The following SLC37A3 variants were observed in gnomAD, a reference collection of about 807,000 sequenced individuals.
SLC37A3 encodes the protein solute carrier family 37 member 3, also known as sugar phosphate exchanger 3.
In SLC37A3, 51 loss-of-function variants were observed where a neutral mutation model predicts 67.1. The ratio of observed to expected loss-of-function variants is 0.76; its 90% CI spans 0.61 to 0.96. The LOEUF (loss-of-function observed/expected upper bound fraction) is 0.96, where lower values mean the gene tolerates loss of function less well. Among genes scored for constraint, SLC37A3 ranks in the 40% least tolerant of loss-of-function variants. The pLI is 0.00. For missense variants in SLC37A3, 508 were observed against 603.0 expected, an observed-to-expected ratio of 0.84 and a Z score of 1.65; for synonymous variants, 214 against 231.4, an observed-to-expected ratio of 0.92 and a Z score of 0.68.
rs1796836394 is a variant in SLC37A3 at position 140,352,153 on chromosome 7, G to A, written c.619-7C>T. ...CCGTCACCAGAAAGGCATACTGGAG[G>A]AGAGGGGTGAAAGGTGGTCCTTACA... On this transcript the variant is annotated splice_polypyrimidine_tract_variant and splice_region_variant and intron_variant, in intron 7 of 14. Coordinates refer to ENST00000326232, the MANE Select transcript of SLC37A3 (RefSeq NM_207113.3). 39 of 1,561,160 alleles carry A rather than the reference G, an allele frequency of 2.5e-5. No homozygotes were observed. The highest frequency in any genetic ancestry group is 3.4e-5 in the Non-Finnish European group (39 of 1,146,356).
Position 140,363,740 on chromosome 7 carries a change from CAAAAAAAAAA to C in SLC37A3, c.375+658_375+667del, listed in dbSNP as rs71170980. On this transcript the variant is annotated intron_variant, in intron 5 of 14. Coordinates refer to ENST00000326232, the MANE Select transcript of SLC37A3 (RefSeq NM_207113.3). ...AAAAAAAAAGAGCAAAACTCCGCCT[CAAAAAAAAAA>C]AAAAAAAAAAAAAAAGAAAGGAGCG... 7.3e-3 allele frequency among the ~76,000 whole-genome samples: 786 copies of C among 107,836 alleles called. 4 individuals are homozygous for C. Among genetic ancestry groups the C allele is most frequent in the African/African-American group, 0.012 (345 of 27,630 alleles). The allele number at this position is 107,836 out of a possible 152,430, so 70.7% of individuals were successfully genotyped here.
chr7:140,362,673 TG>T (rs781223629), intron 5 of SLC37A3, among the ~76,000 whole-genome samples: 6,483 of 15,706 alleles, frequency 0.41, 1,706 homozygotes, highest in East Asian at 0.7. Context: ...GGGAGGGAGG[TG>T]GGGGGGGGGG....
At chr7:140,368,311 A>G (rs1313936016) in intron 4 of SLC37A3, among the ~76,000 whole-genome samples, 2 of 152,060 alleles carry the variant, frequency 1.3e-5, no homozygotes, top group Non-Finnish European at 2.9e-5. Flanking sequence ...CACGCCTGTA[A>G]TCCCAGCACT....
At chr7:140,362,728 G>GC (rs1450013478) in intron 5 of SLC37A3, among the ~76,000 whole-genome samples, 1 of 88,818 alleles carries the variant, frequency 1.1e-5, no homozygotes, top group Non-Finnish European at 2.4e-5. Context: ...GAGGGAGGTG[G>GC]GGGGTCAGCC....
At chr7:140,369,983 G>A (rs904536349) in intron 3 of SLC37A3, among the ~76,000 whole-genome samples, 3 of 152,106 alleles carry the variant, frequency 2.0e-5, no homozygotes, top group African/African-American at 7.2e-5. Context: ...GGTGGCACAT[G>A]CCTGTAATCC....
At chr7:140,366,194 G>A (rs773877205) in intron 4 of SLC37A3, among the ~76,000 whole-genome samples, 12 of 151,880 alleles carry the variant, frequency 7.9e-5, no homozygotes, top group East Asian at 3.9e-4. Flanking sequence ...GATTATAGGC[G>A]TCAGACACCA....
Position 140,343,474 on chromosome 7 carries a change from C to T in SLC37A3, c.1264G>A (p.Ala422Thr). 6.2e-7 allele frequency: 1 copy of T among 1,614,108 alleles called. No homozygotes were observed. The change falls in exon 13 of 15, where the codon GCT becomes ACT. Residue 422 changes from alanine (A) to threonine (T), a missense_variant. Transcript: ENST00000326232. ...RQELIQRSSE[A>T]LATVTGIVDG... ...ACAATTCCTGTGACAGTGGCCAAAG[C>T]TTCACTGCTCCTTTGGATGAGCTCC... is the stretch of plus-strand genomic sequence containing the variant.
chr7:140,363,740 CAAAAAAAAAAAAAAAA>C (rs71170980), intron 5 of SLC37A3, among the ~76,000 whole-genome samples: 5,172 of 107,908 alleles, frequency 0.048, 176 homozygotes, highest in South Asian at 0.083. Flanking sequence ...AACTCCGCCT[CAAAAAAAAAAAAAAAA>C]AAAAAAAAAG....
At chr7:140,368,254 T>C (rs1401018003) in intron 4 of SLC37A3, among the ~76,000 whole-genome samples, 1 of 152,134 alleles carries the variant, frequency 6.6e-6, no homozygotes, top group African/African-American at 2.4e-5. Context: ...CCTCACAGTT[T>C]TGATCTATAA....
intron 6 of SLC37A3, among the ~76,000 whole-genome samples, chr7:140,356,767 G>A (rs1348598641): frequency 6.6e-6 from 1 of 152,144 alleles, no homozygotes; most frequent in Non-Finnish European, 1.5e-5. Context: ...GTCACAATGC[G>A]ATATCATTAC....
intron 4 of SLC37A3, among the ~76,000 whole-genome samples, chr7:140,366,334 C>A (rs1585319192): frequency 6.6e-6 from 1 of 152,118 alleles, no homozygotes; most frequent in East Asian, 1.9e-4. Flanking sequence ...GTCTCAAACT[C>A]CTGACCTCAG....
intron 1 of SLC37A3, among the ~76,000 whole-genome samples, chr7:140,387,749 A>ATATTATATAT (rs370424720): frequency 5.9e-5 from 1 of 17,004 alleles, no homozygotes; most frequent in Non-Finnish European, 9.4e-5. Context: ...TATATTATAT[A>ATATTATATAT]AATATAAATA....
chr7:140,358,540 T>G, intron 6 of SLC37A3, 100 bp downstream of exon 6: 1 of 1,469,030 alleles, frequency 6.8e-7, no homozygotes. Flanking sequence ...AAGATGTGGG[T>G]GGTATCTAAG....
chr7:140,351,176 CA>C, intron 9 of SLC37A3, 96 bp downstream of exon 9: 2 of 1,228,016 alleles, frequency 1.6e-6, no homozygotes, highest in Non-Finnish European at 2.3e-6. Flanking sequence ...AAGTATCCAA[CA>C]GAGGCTCAAT....
intron 1 of SLC37A3, among the ~76,000 whole-genome samples, chr7:140,394,170 C>CA (rs1320633597): frequency 4.8e-5 from 7 of 145,340 alleles, no homozygotes; most frequent in South Asian, 2.2e-4. Flanking sequence ...GACCCCATAT[C>CA]AAAAAAAAAA....
intron 5 of SLC37A3, among the ~76,000 whole-genome samples, chr7:140,363,068 TG>T (rs772752394): frequency 0.013 from 579 of 45,326 alleles, 11 homozygotes; most frequent in Admixed American, 0.018. Flanking sequence ...GGGAGGGTGG[TG>T]GGGGGGGTCA....
chr7:140,373,250 C>T (rs989612661), intron 3 of SLC37A3, among the ~76,000 whole-genome samples: 1 of 151,974 alleles, frequency 6.6e-6, no homozygotes, highest in African/African-American at 2.4e-5. Context: ...GCCACTGCAT[C>T]TGGCCAATAA....
At chr7:140,375,976 A>T (rs566578791) in intron 3 of SLC37A3, among the ~76,000 whole-genome samples, 2 of 152,316 alleles carry the variant, frequency 1.3e-5, no homozygotes, top group East Asian at 3.9e-4. Flanking sequence ...CACCAGACTC[A>T]TCAGGACCCA....
At chr7:140,384,793 T>C (rs987489001) in intron 1 of SLC37A3, among the ~76,000 whole-genome samples, 2 of 152,162 alleles carry the variant, frequency 1.3e-5, no homozygotes, top group Non-Finnish European at 2.9e-5. Context: ...ATGGCTTGTA[T>C]GATAAATCTA....
Sources: gnomAD v4.1 joint callset for allele counts (sites outside exome capture counted in the v4.1 genomes callset) on GRCh38, gnomAD v4.1.1 for gene constraint, MANE v1.5 for transcripts, NCBI Gene and HGNC (gene_info 2026-07-23, HGNC 2026-07-21) for gene names.